The following MORC2 variants were observed in gnomAD, a reference collection of about 807,000 sequenced individuals.
The protein encoded by MORC2 is MORC family CW-type zinc finger 2, also known as ATPase MORC2.
A neutral mutation model predicts 136.0 loss-of-function variants in MORC2; 30 were observed. The ratio of observed to expected loss-of-function variants is 0.22; its 90% CI spans 0.17 to 0.30. The LOEUF (loss-of-function observed/expected upper bound fraction) is 0.30, where lower values mean the gene tolerates loss of function less well. MORC2 is among the 10% of genes least tolerant of loss of function. MORC2 has a pLI of 1.00. For missense variants in MORC2, 922 were observed against 1,333.1 expected (o/e 0.69, Z 4.80); for synonymous variants, 439 against 487.0 (o/e 0.90, Z 1.30).
intron 2 of MORC2, 128 bp from the exon 3 acceptor site, chr22:30,956,925 G>A (rs2040975143): frequency 1.4e-6 from 1 of 691,434 alleles, no homozygotes; most frequent in Admixed American, 3.7e-5. Context: ...AAATTCTATA[G>A]ACATTTAGAA....
In MORC2 at chr22:30,941,648, T is replaced by G; in HGVS notation, c.699-90A>C. ...ACATCCTCTCTGCAGGCTCTCCACC[T>G]TTCCATGTTAGGTACTGACTTCTGC... is the stretch of plus-strand genomic sequence containing the variant. On this transcript the variant is annotated intron_variant, in intron 8 of 25. Coordinates refer to ENST00000397641, the MANE Select transcript of MORC2 (RefSeq NM_001303256.3). This position sits in a 1 kb window ranked among gnomAD's most constrained non-coding sequence, Gnocchi z 4.6. 1 of 1,515,114 alleles carries G rather than the reference T, an allele frequency of 6.6e-7. No homozygotes were observed. The highest frequency in any genetic ancestry group is 8.9e-7 in the Non-Finnish European group (1 of 1,120,008). The allele number at this position is 1,515,114 out of a possible 1,614,324, so 93.9% of individuals were successfully genotyped here.
Position 30,926,603 on chromosome 22 carries a change from A to C in MORC2, c.*200T>G. The C allele has an allele frequency of 1.9e-5, 4 of 215,292 alleles. No individual in the cohort carries two copies. Among genetic ancestry groups the C allele is most frequent in the East Asian group, 1.9e-4 (2 of 10,660 alleles). 13.3% of individuals were successfully genotyped at this position (215,292 alleles called of 1,614,324 possible). On this transcript the variant is annotated 3_prime_UTR_variant, in exon 26 of 26. Coordinates refer to ENST00000397641, the MANE Select transcript of MORC2 (RefSeq NM_001303256.3). ...AAAAAAAAAGTATGGTCTCACAGGC[A>C]CAGCATCTTCTTTTAAAAAATAAAT...
Position 30,928,095 on chromosome 22 carries a change from C to G in MORC2, c.2954G>C (p.Arg985Thr). The G allele has an allele frequency of 1.2e-6, 2 of 1,614,142 alleles. No homozygotes were observed. The highest frequency in any genetic ancestry group is 1.7e-6 in the Non-Finnish European group (2 of 1,180,042). Residue 985 changes from arginine to threonine, a missense_variant, in exon 25 of 26, where the codon AGG becomes ACG. By Grantham distance (71) the Arg-to-Thr change is moderately conservative (BLOSUM62 -1). Around this residue, in one of 9 missense-constraint regions of MORC2, gnomAD observed 263 missense variants for 388.3 expected, o/e 0.68. Transcript: ENST00000397641. ...CTTCTCCTCCGTCTCGCGGAGCTTC[C>G]TCTCGGAGGTGCGCAGGCTTTCCTC... ...ASEESLRTSE[R>T]KLRETEEKLQ...
rs763292696 is a variant in MORC2 at position 30,937,045 on chromosome 22, G to A, written c.1499-8C>T. Reference sequence around the variant, plus strand: ...TCCATTTCAGACACAAATCTGCAGAGAGCAAAAAAACCCCACATATCAGCC... The same window carrying A: ...TCCATTTCAGACACAAATCTGCAGAAAGCAAAAAAACCCCACATATCAGCC... On this transcript the variant is annotated splice_polypyrimidine_tract_variant and splice_region_variant and intron_variant, in intron 15 of 25. Transcript: ENST00000397641. The surrounding 1 kb of genome is among the most constrained non-coding windows in gnomAD (Gnocchi z 4.7). 4 of 1,605,946 alleles carry A rather than the reference G, an allele frequency of 2.5e-6. No homozygotes were observed. The highest frequency in any genetic ancestry group is 2.7e-5 in the African/African-American group (2 of 74,670).
chr22:30,964,532 A>G (rs1569206141), intron 1 of MORC2, among the ~76,000 whole-genome samples: 1 of 152,242 alleles, frequency 6.6e-6, no homozygotes, highest in Non-Finnish European at 1.5e-5. Flanking sequence ...ATTTTATGCC[A>G]AAGGAACATC....
At chr22:30,952,547 T>C (rs1281422351) in intron 3 of MORC2, among the ~76,000 whole-genome samples, 1 of 152,194 alleles carries the variant, frequency 6.6e-6, no homozygotes, top group South Asian at 2.1e-4. Context: ...ACTGGGGGGA[T>C]CCTCCTGGCT....
At chr22:30,958,956 C>A in intron 1 of MORC2, 1 of 370,656 alleles carries the variant, frequency 2.7e-6, no homozygotes, top group Non-Finnish European at 4.9e-6. Context: ...TGAAAGAGTC[C>A]TATGTGTAGT....
chr22:30,933,394 C>G, intron 21 of MORC2, 72 bp downstream of exon 21: 2 of 1,531,582 alleles, frequency 1.3e-6, no homozygotes, highest in Non-Finnish European at 1.8e-6. Context: ...TAAATTGCTG[C>G]TGGTAAGGGG....
intron 16 of MORC2, 54 bp downstream of exon 16, chr22:30,936,878 T>A (rs956674188): frequency 1.3e-6 from 2 of 1,520,900 alleles, no homozygotes; most frequent in African/African-American, 2.7e-5. Flanking sequence ...AGAAACACAG[T>A]GAGGGGCAGG....
intron 4 of MORC2, 24 bp downstream of exon 4, chr22:30,950,353 C>CAAAAA: frequency 3.4e-6 from 5 of 1,481,928 alleles, no homozygotes; most frequent in Non-Finnish European, 4.7e-6. Flanking sequence ...CCCCACCCCC[C>CAAAAA]AAAACAATAA....
At chr22:30,936,793 A>C (rs1489459241) in intron 16 of MORC2, 139 bp downstream of exon 16, 1 of 1,286,054 alleles carries the variant, frequency 7.8e-7, no homozygotes, top group Non-Finnish European at 1.1e-6. Context: ...ACTGCAGGAC[A>C]TACATCTATT....
intron 12 of MORC2, among the ~76,000 whole-genome samples, chr22:30,938,677 C>T (rs974678011): frequency 6.6e-6 from 1 of 152,306 alleles, no homozygotes; most frequent in East Asian, 1.9e-4. Flanking sequence ...TCACACCATT[C>T]TCCTGCCTCA....
At chr22:30,959,854 A>G (rs1480184881) in intron 1 of MORC2, among the ~76,000 whole-genome samples, 1 of 152,278 alleles carries the variant, frequency 6.6e-6, no homozygotes, top group Non-Finnish European at 1.5e-5. Flanking sequence ...ATCGCTTACC[A>G]TATTGCAAAC....
rs1436535396 is a variant in MORC2, at chr22:30,934,750, G to A, written c.2193+31C>T. Reference sequence around the variant, plus strand: ...TCCATTCCTACACTACTGACACTGGGCTGGGGTATTAAAGAGGACAAGCGT... The same window carrying A: ...TCCATTCCTACACTACTGACACTGGACTGGGGTATTAAAGAGGACAAGCGT... On this transcript the variant is annotated intron_variant, in intron 19 of 25. Coordinates refer to ENST00000397641, the MANE Select transcript of MORC2 (RefSeq NM_001303256.3). This position sits in a 1 kb window ranked among gnomAD's most constrained non-coding sequence, Gnocchi z 4.4. 2 of 1,608,316 alleles carry A rather than the reference G, an allele frequency of 1.2e-6. No homozygotes were observed. Among genetic ancestry groups the A allele is most frequent in the Admixed American group, 1.7e-5 (1 of 59,918 alleles).
chr22:30,944,272 A>G (rs1044932385), intron 6 of MORC2, among the ~76,000 whole-genome samples: 2 of 152,176 alleles, frequency 1.3e-5, no homozygotes, highest in Non-Finnish European at 2.9e-5. Context: ...TTTGTGTTCT[A>G]TAAACCTGTA....
chr22:30,968,489 A>T lies in MORC2; in HGVS notation c.-600T>A, dbSNP rs2041163940. ...GTGAAAAAGCTCCTAGGCACTCACG[A>T]TTTCTTTTTTCAAAGCCGGACCAAA... On this transcript the variant is annotated 5_prime_UTR_variant, in exon 1 of 26. Coordinates refer to ENST00000397641, the MANE Select transcript of MORC2 (RefSeq NM_001303256.3). Among the ~76,000 whole-genome samples the T allele has an allele frequency of 6.6e-6, 1 of 152,030 alleles. No individual in the cohort carries two copies. Among genetic ancestry groups the T allele is most frequent in the Non-Finnish European group, 1.5e-5 (1 of 67,994 alleles).
In MORC2 at chr22:30,941,140, C is replaced by T. The variant is rs2040736427; in HGVS notation, c.824+293G>A. 6.6e-6 allele frequency among the ~76,000 whole-genome samples: 1 copy of T among 152,166 alleles called. No individual in the cohort carries two copies. The highest frequency in any genetic ancestry group is 6.5e-5 in the Admixed American group (1 of 15,280). On this transcript the variant is annotated intron_variant, in intron 9 of 25. Coordinates refer to ENST00000397641, the MANE Select transcript of MORC2 (RefSeq NM_001303256.3). This position sits in a 1 kb window ranked among gnomAD's most constrained non-coding sequence, Gnocchi z 4.6. ...GCTTTCCTATATAGTGTCTAAAGGCCCCTTGGCCCTAAAGCCAAGAGACTC... is the reference window on the plus strand; with the variant it reads ...GCTTTCCTATATAGTGTCTAAAGGCTCCTTGGCCCTAAAGCCAAGAGACTC...
At chr22:30,961,830 C>T (rs147906174) in intron 1 of MORC2, among the ~76,000 whole-genome samples, 32 of 152,242 alleles carry the variant, frequency 2.1e-4, no homozygotes, top group African/African-American at 7.5e-4. Context: ...CGATAGCATC[C>T]CACAAGAATG....
At position 30,934,130 on chromosome 22, in the gene MORC2, G is replaced by A; in HGVS notation, c.2255C>T (p.Ala752Val). 6.2e-7 allele frequency: 1 copy of A among 1,614,074 alleles called. No homozygotes were observed. Among genetic ancestry groups the A allele is most frequent in the Middle Eastern group, 1.6e-4 (1 of 6,062 alleles). Residue 752 changes from alanine (A) to valine (V), a missense_variant, in exon 20 of 26, where the codon GCT becomes GTT. By Grantham distance (64) the Ala-to-Val change is moderately conservative. Coordinates refer to ENST00000397641, the MANE Select transcript of MORC2 (RefSeq NM_001303256.3). The surrounding 1 kb of genome is among the most constrained non-coding windows in gnomAD (Gnocchi z 4.4). ...VSDEEEVEEE[A>V]ERRKERCKRG... ...CTTGCACCTCTCCTTCCTCCTCTCA[G>A]CTTCCTCCTCAACTTCTTCCTCATC... is the stretch of plus-strand genomic sequence containing the variant.
Sources: allele counts gnomAD v4.1 joint callset (sites outside exome capture counted in the v4.1 genomes callset), GRCh38; gene constraint gnomAD v4.1.1; regional missense constraint gnomAD v4.1.1; non-coding constraint Gnocchi (gnomAD v3.1); transcripts MANE v1.5; gene names NCBI Gene and HGNC (gene_info 2026-07-23, HGNC 2026-07-21).